GREB1L: variants seen among roughly 807,000 people sequenced by gnomAD.
GREB1L encodes GREB1-like protein.
In GREB1L, 17 loss-of-function variants were observed where a neutral mutation model predicts 200.8. The observed-to-expected ratio is 0.08, with a 90% confidence interval of 0.06 to 0.13. The LOEUF (loss-of-function observed/expected upper bound fraction) is 0.13. Ranked by LOEUF, GREB1L falls within the 10% of genes least tolerant of loss-of-function variation. The probability of loss-of-function intolerance (pLI) is 1.00; values close to 1 mark genes in which losing one functional copy is unlikely to be tolerated. For synonymous variants in GREB1L, 789 were observed against 893.0 expected, an observed-to-expected ratio of 0.88 and a Z score of 2.08; for missense variants, 1,657 against 2,367.7, an observed-to-expected ratio of 0.70 and a Z score of 6.23.
In GREB1L at chr18:21,395,528, C is replaced by T; in HGVS notation, c.499C>T (p.Leu167=). 6.5e-7 allele frequency: 1 copy of T among 1,550,262 alleles called. No individual in the cohort carries two copies. Among genetic ancestry groups the T allele is most frequent in the Non-Finnish European group, 8.7e-7 (1 of 1,146,560 alleles). ...AGTTTGTGCTGTGGACAAGCGATTT[C>T]TACCAGATGATCATGGAAAAAATGC... ...ILVCAVDKRF[L]PDDHGKNALL... Residue 167 remains leucine, a synonymous_variant, in exon 5 of 33, where the codon CTA becomes TTA. Transcript: ENST00000424526.
At chr18:21,472,387 C>T (rs1268289497) in intron 15 of GREB1L, among the ~76,000 whole-genome samples, 2 of 152,144 alleles carry the variant, frequency 1.3e-5, no homozygotes, top group East Asian at 1.9e-4. Flanking sequence ...GATACAGTAT[C>T]AAAGTTTCAT....
chr18:21,438,594 A>G (rs1381831404), intron 7 of GREB1L, among the ~76,000 whole-genome samples: 1 of 152,008 alleles, frequency 6.6e-6, no homozygotes, highest in Non-Finnish European at 1.5e-5. Context: ...GTTCAAGCCT[A>G]GGAATTCAAA....
At position 21,498,465 on chromosome 18, in the gene GREB1L, G is replaced by A. The variant is rs191404464; in HGVS notation, c.3392-1264G>A. On this transcript the variant is annotated intron_variant, in intron 21 of 32. Coordinates refer to ENST00000424526, the MANE Select transcript of GREB1L (RefSeq NM_001142966.3). ...GTCAAGGGGTTTGAAGGATAGTAAA[G>A]GTTCACAGAAGGGGGGTGGGGGATA... Among the ~76,000 whole-genome samples the A allele has an allele frequency of 1.5e-3, 221 of 152,250 alleles. 1 individual carries two copies. Among genetic ancestry groups the A allele is most frequent in the African/African-American group, 4.9e-3 (205 of 41,562 alleles).
At position 21,515,570 on chromosome 18, in the gene GREB1L, C is replaced by T. The variant is rs372866129; in HGVS notation, c.5055C>T (p.Phe1685=). ...CTTCTCAGAGCCTAAAGGCCCCATT[C>T]TCTAGGTGTCACGTGCATGATTTCA... is the stretch of plus-strand genomic sequence containing the variant. ...KLTSQSLKAP[F]SRCHVHDFIL... Residue 1685 remains phenylalanine, a synonymous_variant, in exon 29 of 33, where the codon TTC becomes TTT. Transcript: ENST00000424526. 9.0e-6 allele frequency: 14 copies of T among 1,551,682 alleles called. No homozygotes were observed. The highest frequency in any genetic ancestry group is 1.4e-5 in the African/African-American group (1 of 73,162).
chr18:21,509,700 TACTA>T (rs2037160361), intron 27 of GREB1L, among the ~76,000 whole-genome samples: 2 of 152,158 alleles, frequency 1.3e-5, no homozygotes, highest in Admixed American at 1.3e-4. Flanking sequence ...CCTATACTCA[TACTA>T]ACTGAAGCCT....
At chr18:21,427,166 A>T (rs2032680648) in intron 7 of GREB1L, among the ~76,000 whole-genome samples, 1 of 152,034 alleles carries the variant, frequency 6.6e-6, no homozygotes, top group Non-Finnish European at 1.5e-5. Flanking sequence ...ATCTATGAAG[A>T]TGGGCGTCTT....
At position 21,524,549 on chromosome 18, in the gene GREB1L, G is replaced by A. The variant is rs927958367; in HGVS notation, c.*1728G>A. The A allele has an allele frequency of 6.6e-6, 1 of 152,096 alleles. No individual in the cohort carries two copies. The highest frequency in any genetic ancestry group is 2.4e-5 in the African/African-American group (1 of 41,420). The allele number at this position is 152,096 out of a possible 1,614,324, so 9.4% of individuals were successfully genotyped here. Reference sequence around the variant, plus strand: ...TTCACTTGTTCCTGTTTTGTTGAAAGGGCCTAATGCAAATAATACCAAGAA... The same window carrying A: ...TTCACTTGTTCCTGTTTTGTTGAAAAGGCCTAATGCAAATAATACCAAGAA... On this transcript the variant is annotated 3_prime_UTR_variant, in exon 33 of 33. Coordinates refer to ENST00000424526, the MANE Select transcript of GREB1L (RefSeq NM_001142966.3).
intron 14 of GREB1L, among the ~76,000 whole-genome samples, chr18:21,453,411 A>G (rs900276273): frequency 6.6e-6 from 1 of 152,194 alleles, no homozygotes; most frequent in Non-Finnish European, 1.5e-5. Flanking sequence ...TTTAGAAAAC[A>G]TTAATTAGCA....
At chr18:21,357,208 C>T (rs529389604) in intron 1 of GREB1L, among the ~76,000 whole-genome samples, 3 of 152,280 alleles carry the variant, frequency 2.0e-5, no homozygotes, top group East Asian at 1.9e-4. Context: ...GTGCATACCA[C>T]GACGTCTGGT....
At chr18:21,286,888 C>A (rs2038366214) in intron 1 of GREB1L, among the ~76,000 whole-genome samples, 2 of 152,064 alleles carry the variant, frequency 1.3e-5, no homozygotes, top group Admixed American at 1.3e-4. Context: ...TGCAAGCCAC[C>A]CTCCCACCTC....
chr18:21,449,391 T>A, intron 11 of GREB1L, 119 bp from the exon 12 acceptor site: 3 of 591,622 alleles, frequency 5.1e-6, no homozygotes, highest in Non-Finnish European at 8.7e-6. Context: ...GAAAAAGAGG[T>A]TATTTTCTAG....
intron 1 of GREB1L, among the ~76,000 whole-genome samples, chr18:21,275,058 G>A (rs1399333574): frequency 4.6e-5 from 7 of 152,158 alleles, no homozygotes; most frequent in South Asian, 4.1e-4. Context: ...TGGCTAACAC[G>A]GTGAAACCCC....
chr18:21,521,192 G>A (rs1359934514), intron 32 of GREB1L, among the ~76,000 whole-genome samples: 1 of 150,746 alleles, frequency 6.6e-6, no homozygotes, highest in South Asian at 2.1e-4. Context: ...GCAAGACTCC[G>A]TCTCAAAAAA....
At chr18:21,249,193 C>G (rs1230339516) in intron 1 of GREB1L, among the ~76,000 whole-genome samples, 1 of 151,764 alleles carries the variant, frequency 6.6e-6, no homozygotes, top group Non-Finnish European at 1.5e-5. Flanking sequence ...TTGGGGATCA[C>G]TTTTTCTCTT....
chr18:21,439,748 C>T (rs1025069481), intron 8 of GREB1L, 111 bp downstream of exon 8: 6 of 707,626 alleles, frequency 8.5e-6, no homozygotes, highest in African/African-American at 3.5e-5. Context: ...TTTCTCAGTT[C>T]GTCATACAGT....
intron 15 of GREB1L, among the ~76,000 whole-genome samples, chr18:21,471,878 C>T (rs904044058): frequency 6.6e-6 from 1 of 152,088 alleles, no homozygotes. Context: ...GTCTTAGCTT[C>T]CCAAAGTGCT....
At chr18:21,392,533 A>T (rs1289309006) in intron 4 of GREB1L, among the ~76,000 whole-genome samples, 1 of 152,136 alleles carries the variant, frequency 6.6e-6, no homozygotes, top group East Asian at 1.9e-4. Context: ...TTCTTAATTC[A>T]TGAACTTCTA....
chr18:21,453,815 C>T (rs933077868), intron 14 of GREB1L, among the ~76,000 whole-genome samples: 2 of 151,974 alleles, frequency 1.3e-5, no homozygotes, highest in African/African-American at 2.4e-5. Context: ...CCATGACCCA[C>T]GTTATGTAGT....
In GREB1L at chr18:21,444,310, T is replaced by C. The variant is rs1448394376; in HGVS notation, c.1294T>C (p.Leu432=). ...LLVNCYKIPQ[L]ENKDLEKLGL... is the part of the protein sequence containing the mutation. ...GGTGAATTGCTACAAGATTCCACAG[T>C]TGGAAAACAAAGATTTGGAAAAATT... Residue 432 remains leucine, a synonymous_variant, in exon 11 of 33, where the codon TTG becomes CTG. Transcript: ENST00000424526. 1 of 1,551,896 alleles carries C rather than the reference T, an allele frequency of 6.4e-7. No homozygotes were observed. Among genetic ancestry groups the C allele is most frequent in the Non-Finnish European group, 8.7e-7 (1 of 1,146,810 alleles).
Sources: allele counts gnomAD v4.1 joint callset (sites outside exome capture counted in the v4.1 genomes callset), GRCh38; gene constraint gnomAD v4.1.1; transcripts MANE v1.5; gene names NCBI Gene and HGNC (gene_info 2026-07-23, HGNC 2026-07-21).